CC2D1B: variants seen among roughly 807,000 people sequenced by gnomAD.
CC2D1B encodes coiled-coil and C2 domain-containing protein 1B.
CC2D1B carries 92 observed loss-of-function variants against 110.8 expected under a neutral mutation model. That is an observed-to-expected ratio of 0.83 (90% CI 0.70 to 0.99). The LOEUF is 0.99. Among genes scored for constraint, CC2D1B ranks in the 50% least tolerant of loss-of-function variants. The probability of loss-of-function intolerance (pLI) is 0.00; values close to 1 mark genes in which losing one functional copy is unlikely to be tolerated. For synonymous variants in CC2D1B, 406 were observed against 429.2 expected, an observed-to-expected ratio of 0.95 and a Z score of 0.67; for missense variants, 1,136 against 1,089.0, an observed-to-expected ratio of 1.04 and a Z score of -0.61.
chr1:52,357,839 T>G lies in CC2D1B; in HGVS notation c.1521A>C (p.Ser507=). 6.3e-7 allele frequency: 1 copy of G among 1,593,288 alleles called. No homozygotes were observed. The highest frequency in any genetic ancestry group is 8.5e-7 in the Non-Finnish European group (1 of 1,170,624). ...AKKPARPTVP[S]SQRLPEPRAS... ...CCCTGGGCTCAGGCAGGCGCTGGGA[T>G]GAAGGGACTGTGGGCCGTGCAGGTT... Residue 507 remains serine, a synonymous_variant, in exon 14 of 25, where the codon TCA becomes TCC. Coordinates refer to ENST00000284376, the MANE Select transcript of CC2D1B (RefSeq NM_001330585.2).
In CC2D1B at chr1:52,355,674, G is replaced by C; in HGVS notation, c.2129-8C>G. 1.9e-6 allele frequency: 3 copies of C among 1,614,186 alleles called. No homozygotes were observed. The highest frequency in any genetic ancestry group is 2.5e-6 in the Non-Finnish European group (3 of 1,180,032). On this transcript the variant is annotated splice_polypyrimidine_tract_variant and splice_region_variant and intron_variant, in intron 19 of 24. Transcript: ENST00000284376. ...GGTCATCGGGAGTCACCCCTGGGAAGGAGAAAAGGGAGTCAAGTCAGAGGG... is the reference window on the plus strand; with the variant it reads ...GGTCATCGGGAGTCACCCCTGGGAACGAGAAAAGGGAGTCAAGTCAGAGGG...
At position 52,357,901 on chromosome 1, in the gene CC2D1B, G is replaced by A; in HGVS notation, c.1462-3C>T. ...GGGGCCTGTGCTGGGGGCTCACCCT[G>A]CAGGTGCCCAGGAGGCTGTTAGGAG... On this transcript the variant is annotated splice_region_variant and splice_polypyrimidine_tract_variant and intron_variant, in intron 13 of 24. Transcript: ENST00000284376. 1 of 1,545,608 alleles carries A rather than the reference G, an allele frequency of 6.5e-7. No individual in the cohort carries two copies. Among genetic ancestry groups the A allele is most frequent in the Non-Finnish European group, 8.7e-7 (1 of 1,152,490 alleles).
intron 13 of CC2D1B, 167 bp from the exon 14 acceptor site, chr1:52,358,065 C>T (rs1646693431): frequency 1.9e-6 from 2 of 1,073,626 alleles, no homozygotes; most frequent in East Asian, 2.6e-5. Context: ...GAAGCAGCCT[C>T]AGAAGCTCTC....
chr1:52,357,827 C>A lies in CC2D1B; in HGVS notation c.1533G>T (p.Leu511=), dbSNP rs62000427. 7.4e-3 allele frequency: 11,856 copies of A among 1,593,640 alleles called. 82 individuals carry two copies. Among genetic ancestry groups the A allele is most frequent in the Admixed American group, 0.028 (1,584 of 57,104 alleles). ...TAGAACTTGAGGCCCTGGGCTCAGG[C>A]AGGCGCTGGGATGAAGGGACTGTGG... ...ARPTVPSSQR[L]PEPRASSSKE... is the part of the protein sequence containing the mutation. The change falls in exon 14 of 25, where the codon CTG becomes CTT. Residue 511 remains leucine (L), a synonymous_variant. Coordinates refer to ENST00000284376, the MANE Select transcript of CC2D1B (RefSeq NM_001330585.2).
In CC2D1B at chr1:52,364,549, T is replaced by C. The variant is rs1230719904; in HGVS notation, c.69+3A>G. 1.3e-6 allele frequency: 2 copies of C among 1,598,036 alleles called. No individual in the cohort carries two copies. The highest frequency in any genetic ancestry group is 1.3e-5 in the African/African-American group (1 of 74,806). ...CAGTAGCCTAGAAGGCTAAGTTCCA[T>C]ACCTGCTTGGCAGCGGCCACCCCTT... On this transcript the variant is annotated splice_donor_region_variant and intron_variant, in intron 2 of 24. Coordinates refer to ENST00000284376, the MANE Select transcript of CC2D1B (RefSeq NM_001330585.2).
rs978762707 is a variant in CC2D1B, at chr1:52,353,029, C to CTGTT, written c.*192_*195dup. On this transcript the variant is annotated 3_prime_UTR_variant, in exon 25 of 25. Transcript: ENST00000284376. Reference sequence around the variant, plus strand: ...GGGAGATGGGCTCCTGGAACCCAGCCTGTTTCTGTAGAGCCCCAGAGGGGC... The same window carrying CTGTT: ...GGGAGATGGGCTCCTGGAACCCAGCCTGTTTGTTTCTGTAGAGCCCCAGAGGGGC... 2.0e-5 allele frequency: 9 copies of CTGTT among 457,952 alleles called. No individual in the cohort carries two copies. The highest frequency in any genetic ancestry group is 1.7e-4 in the African/African-American group (8 of 48,310). 28.4% of individuals were successfully genotyped at this position (457,952 alleles called of 1,614,324 possible).
intron 4 of CC2D1B, 98 bp downstream of exon 4, chr1:52,361,415 A>G: frequency 6.4e-7 from 1 of 1,570,482 alleles, no homozygotes; most frequent in South Asian, 1.2e-5. Flanking sequence ...TCAGAGTCAG[A>G]GAATACAGGG....
At chr1:52,359,915 C>T in intron 7 of CC2D1B, 32 bp from the exon 8 acceptor site, 1 of 1,595,388 alleles carries the variant, frequency 6.3e-7, no homozygotes, top group South Asian at 1.1e-5. Context: ...CCAGAGAGCA[C>T]ATGAGGGTCA....
chr1:52,359,653 T>C, intron 8 of CC2D1B, 52 bp downstream of exon 8: 1 of 1,551,740 alleles, frequency 6.4e-7, no homozygotes, highest in Non-Finnish European at 8.7e-7. Context: ...TTTCTGAGCC[T>C]GTTTCCCCTA....
In CC2D1B at chr1:52,359,154, G is replaced by A. The variant is rs1646722381; in HGVS notation, c.1130C>T (p.Ala377Val). 6 of 1,609,752 alleles carry A rather than the reference G, an allele frequency of 3.7e-6. No individual in the cohort carries two copies. The highest frequency in any genetic ancestry group is 4.5e-5 in the East Asian group (2 of 44,766). Residue 377 changes from alanine (A) to valine (V), a missense_variant, in exon 11 of 25, where the codon GCC (alanine) becomes GTC (valine). Physicochemically the swap from Ala to Val is moderately conservative, Grantham distance 64. Coordinates refer to ENST00000284376, the MANE Select transcript of CC2D1B (RefSeq NM_001330585.2). ...CAGCACTGTCTGTGACTCTGTAGGG[G>A]CCACTTGAAGGAAAGAAGGAAGAAG... Reference protein sequence around the residue: ...MAPDVPATPVAPTESQTVLDA... With the variant: ...MAPDVPATPVVPTESQTVLDA...
In CC2D1B at chr1:52,354,851, G is replaced by C; in HGVS notation, c.2328C>G (p.Ile776Met). The C allele has an allele frequency of 9.9e-6, 16 of 1,614,104 alleles. No individual in the cohort carries two copies. The highest frequency in any genetic ancestry group is 1.3e-5 in the Non-Finnish European group (15 of 1,179,914). The change falls in exon 22 of 25, where the codon ATC (isoleucine) becomes ATG (methionine). Residue 776 changes from isoleucine to methionine, a missense_variant. By Grantham distance (10) the Ile-to-Met change is conservative. Transcript: ENST00000284376. ...GATAGGAGCCTCACCCTTTGTGGAAGATCTCAAACTTGATGCCTTTGCTCT... is the reference window on the plus strand; with the variant it reads ...GATAGGAGCCTCACCCTTTGTGGAACATCTCAAACTTGATGCCTTTGCTCT... ...VIQSKGIKFE[I>M]FHKGSFFRSD...
chr1:52,357,668 C>T lies in CC2D1B; in HGVS notation c.1610G>A (p.Arg537Gln), dbSNP rs193038516. The change falls in exon 15 of 25, where the codon CGG (arginine) becomes CAG (glutamine). Residue 537 changes from arginine to glutamine, a missense_variant. By Grantham distance (43) the Arg-to-Gln change is conservative. Coordinates refer to ENST00000284376, the MANE Select transcript of CC2D1B (RefSeq NM_001330585.2). ...GGCTGCCCGCTGATACTGCAGTTTC[C>T]GTGCCTCCAGCAGTGCCAGCTGCTC... ...VREQLALLEA[R>Q]KLQYQRAALQ... 131 of 1,602,834 alleles carry T rather than the reference C, an allele frequency of 8.2e-5. No individual in the cohort carries two copies. The East Asian group carries it at 2.6e-3, about 32-fold the overall frequency.
rs757880175 is a variant in CC2D1B at position 52,356,431 on chromosome 1, C to T, written c.1890G>A (p.Leu630=). Residue 630 remains leucine (L), a synonymous_variant, in exon 17 of 25, where the codon CTG becomes CTA. Coordinates refer to ENST00000284376, the MANE Select transcript of CC2D1B (RefSeq NM_001330585.2). ...MLLEQQEKCL[L]FSKQFMHQGN... The stretch of plus-strand genomic sequence containing the variant: ...CCTGGTGCATGAACTGCTTGGAGAA[C>T]AGCAGGCACTTCTGAAAATAGAGGC... The T allele has an allele frequency of 6.8e-6, 11 of 1,614,264 alleles. No individual in the cohort carries two copies. Among genetic ancestry groups the T allele is most frequent in the South Asian group, 1.1e-5 (1 of 91,092 alleles).
Position 52,356,217 on chromosome 1 carries a change from G to C in CC2D1B, c.2023C>G (p.His675Asp). 1 of 1,613,898 alleles carries C rather than the reference G, an allele frequency of 6.2e-7. No individual in the cohort carries two copies. Among genetic ancestry groups the C allele is most frequent in the Non-Finnish European group, 8.5e-7 (1 of 1,179,766 alleles). Reference protein sequence around the residue: ...QAQGLDPPTHHFELKTFQTVR... With the variant: ...QAQGLDPPTHDFELKTFQTVR... ...GTCTGGAATGTCTTCAACTCAAAGTGGTGGGTGGGAGGGTCGAGGCCCTGA... is the reference window on the plus strand; with the variant it reads ...GTCTGGAATGTCTTCAACTCAAAGTCGTGGGTGGGAGGGTCGAGGCCCTGA... Residue 675 changes from histidine (H) to aspartate (D), a missense_variant, in exon 18 of 25, where the codon CAC (histidine) becomes GAC (aspartate). Physicochemically the swap from His to Asp is moderately conservative, Grantham distance 81. Transcript: ENST00000284376.
intron 11 of CC2D1B, 45 bp from the exon 12 acceptor site, chr1:52,358,803 C>T (rs1254396423): frequency 6.4e-7 from 1 of 1,564,416 alleles, no homozygotes; most frequent in Non-Finnish European, 8.7e-7. Context: ...CAGCAGCCCA[C>T]AGGCCCCCTG....
intron 18 of CC2D1B, 55 bp from the exon 19 acceptor site, chr1:52,355,899 A>C: frequency 1.9e-6 from 3 of 1,580,892 alleles, no homozygotes; most frequent in Non-Finnish European, 2.6e-6. Context: ...GTAGTGGAAC[A>C]AGGTCCCTTC....
At chr1:52,357,442 A>G in intron 15 of CC2D1B, 84 bp downstream of exon 15, 6 of 1,404,572 alleles carry the variant, frequency 4.3e-6, no homozygotes, top group Non-Finnish European at 5.8e-6. Context: ...TCATCCCAGA[A>G]GCTGCCCTTG....
rs1646556076 is a variant in CC2D1B at position 52,352,920 on chromosome 1, G to A, written c.*305C>T. The A allele has an allele frequency of 3.6e-6, 1 of 277,516 alleles. No individual in the cohort carries two copies. Among genetic ancestry groups the A allele is most frequent in the African/African-American group, 2.2e-5 (1 of 44,676 alleles). 17.2% of individuals were successfully genotyped at this position (277,516 alleles called of 1,614,324 possible). A position where few individuals can be genotyped will look rare whatever the true frequency, so the allele number is the denominator to read the frequency against. On this transcript the variant is annotated 3_prime_UTR_variant, in exon 25 of 25. Coordinates refer to ENST00000284376, the MANE Select transcript of CC2D1B (RefSeq NM_001330585.2). ...AAGCTGTACACAGTTGCCACGCAGG[G>A]GTTAAGGGGCTGCAGGACTCCATGG...
chr1:52,357,077 T>C lies in CC2D1B; in HGVS notation c.1802A>G (p.His601Arg), dbSNP rs202044340. Residue 601 changes from histidine to arginine, a missense_variant, in exon 16 of 25, where the codon CAT becomes CGT. His to Arg is a conservative substitution (Grantham distance 29). Coordinates refer to ENST00000284376, the MANE Select transcript of CC2D1B (RefSeq NM_001330585.2). ...CTTCTGGGAGAGTCGCAGGTCCTCATGGTGGATGAGGATGAAGTCACCCTC... is the reference window on the plus strand; with the variant it reads ...CTTCTGGGAGAGTCGCAGGTCCTCACGGTGGATGAGGATGAAGTCACCCTC... ...DEEGDFILIH[H>R]EDLRLSQKAE... 8 of 1,612,520 alleles carry C rather than the reference T, an allele frequency of 5.0e-6. No homozygotes were observed. Among genetic ancestry groups the C allele is most frequent in the African/African-American group, 1.3e-5 (1 of 75,000 alleles).
Sources: allele counts gnomAD v4.1 joint callset, GRCh38; gene constraint gnomAD v4.1.1; transcripts MANE v1.5; gene names NCBI Gene and HGNC (gene_info 2026-07-23, HGNC 2026-07-21).